Variants in JAKMIP2 observed in about 807,000 individuals in gnomAD.
JAKMIP2 encodes the protein janus kinase and microtubule interacting protein 2, also known as janus kinase and microtubule-interacting protein 2.
A neutral mutation model predicts 115.0 loss-of-function variants in JAKMIP2; 25 were observed. The ratio of observed to expected loss-of-function variants is 0.22; its 90% CI spans 0.16 to 0.30. The LOEUF is 0.30. Among genes scored for constraint, JAKMIP2 ranks in the 10% least tolerant of loss-of-function variants. The pLI, the probability that JAKMIP2 is intolerant of heterozygous loss-of-function variation, is 1.00. For synonymous variants in JAKMIP2, 334 were observed against 343.6 expected (o/e 0.97, Z 0.31); for missense variants, 642 against 957.6 (o/e 0.67, Z 4.35).
At chr5:147,732,841 C>G (rs529261433) in intron 1 of JAKMIP2, among the ~76,000 whole-genome samples, 2 of 152,158 alleles carry the variant, frequency 1.3e-5, no homozygotes, top group African/African-American at 2.4e-5. Flanking sequence ...CTTAATTTCA[C>G]GCTGTGATGT....
chr5:147,761,484 C>CT (rs1359908626), intron 1 of JAKMIP2, among the ~76,000 whole-genome samples: 1 of 152,066 alleles, frequency 6.6e-6, no homozygotes, highest in African/African-American at 2.4e-5. Context: ...CCCAGGCACT[C>CT]TAATGGCAGA....
chr5:147,656,614 G>A (rs1480771508), intron 3 of JAKMIP2, among the ~76,000 whole-genome samples: 10 of 152,214 alleles, frequency 6.6e-5, no homozygotes, highest in South Asian at 6.2e-4. Flanking sequence ...AATACAGCAC[G>A]CTGATGGGTC....
chr5:147,709,048 T>A (rs1461174005), intron 1 of JAKMIP2, among the ~76,000 whole-genome samples: 8 of 152,224 alleles, frequency 5.3e-5, no homozygotes, highest in Admixed American at 4.6e-4. Flanking sequence ...TGTTTAAGCA[T>A]GATAGTTTAA....
At chr5:147,750,711 T>G (rs1754519345) in intron 1 of JAKMIP2, among the ~76,000 whole-genome samples, 1 of 152,132 alleles carries the variant, frequency 6.6e-6, no homozygotes, top group Non-Finnish European at 1.5e-5. Flanking sequence ...GTGGCTGTAT[T>G]TGGAGATAAG....
chr5:147,756,661 G>T (rs1216335082), intron 1 of JAKMIP2, among the ~76,000 whole-genome samples: 1 of 152,030 alleles, frequency 6.6e-6, no homozygotes, highest in Non-Finnish European at 1.5e-5. Context: ...AGGGTGGATG[G>T]GTAGCTGCAG....
At chr5:147,627,688 A>AC (rs1245805063) in intron 16 of JAKMIP2, among the ~76,000 whole-genome samples, 34 of 150,060 alleles carry the variant, frequency 2.3e-4, no homozygotes, top group Non-Finnish European at 4.5e-4. Flanking sequence ...TAAAAAAAAA[A>AC]AAAAAAAAAA....
At chr5:147,598,567 G>A (rs749430677) in intron 21 of JAKMIP2, among the ~76,000 whole-genome samples, 1 of 152,042 alleles carries the variant, frequency 6.6e-6, no homozygotes. Flanking sequence ...AGAATGCATA[G>A]CCAGATAATA....
At chr5:147,727,875 G>A in intron 1 of JAKMIP2, among the ~76,000 whole-genome samples, 1 of 151,584 alleles carries the variant, frequency 6.6e-6, no homozygotes. Flanking sequence ...TCTCCATTTT[G>A]TCTTCTTGCT....
At chr5:147,647,376 C>A (rs1346695534) in intron 5 of JAKMIP2, among the ~76,000 whole-genome samples, 1 of 151,838 alleles carries the variant, frequency 6.6e-6, no homozygotes, top group Non-Finnish European at 1.5e-5. Context: ...AAAGGAAAGG[C>A]TGAAAATAAC....
At chr5:147,707,664 T>C (rs1752631641) in intron 1 of JAKMIP2, among the ~76,000 whole-genome samples, 1 of 152,188 alleles carries the variant, frequency 6.6e-6, no homozygotes, top group Non-Finnish European at 1.5e-5. Context: ...AATTGATAGA[T>C]ATATTCATTT....
chr5:147,772,776 T>TA (rs1012051386), intron 1 of JAKMIP2, among the ~76,000 whole-genome samples: 21 of 152,082 alleles, frequency 1.4e-4, no homozygotes, highest in Admixed American at 7.9e-4. Flanking sequence ...CCATCTCAGT[T>TA]AAAAAAATCG....
At chr5:147,769,312 A>C (rs1449848927) in intron 1 of JAKMIP2, among the ~76,000 whole-genome samples, 1 of 152,130 alleles carries the variant, frequency 6.6e-6, no homozygotes, top group Admixed American at 6.6e-5. Flanking sequence ...ATTTCATCTA[A>C]ACTACGGAGA....
intron 1 of JAKMIP2, among the ~76,000 whole-genome samples, chr5:147,717,392 G>A (rs1273927883): frequency 2.1e-5 from 3 of 145,968 alleles, no homozygotes; most frequent in Non-Finnish European, 4.5e-5. Context: ...GAAAGGCATT[G>A]GTAGCTTGAT....
At chr5:147,604,802 TA>T (rs1223068465) in intron 20 of JAKMIP2, among the ~76,000 whole-genome samples, 191 of 3,276 alleles carry the variant, frequency 0.058, 1 homozygote, top group African/African-American at 0.061. Context: ...CCAGACATTT[TA>T]TTATTATTAT....
chr5:147,616,159 G>A (rs187399337), intron 19 of JAKMIP2, among the ~76,000 whole-genome samples: 10 of 152,140 alleles, frequency 6.6e-5, no homozygotes, highest in Admixed American at 3.3e-4. Flanking sequence ...CAAGCAGAAC[G>A]GTGTAATACA....
At chr5:147,624,946 G>C (rs1367824268) in intron 16 of JAKMIP2, among the ~76,000 whole-genome samples, 1 of 150,178 alleles carries the variant, frequency 6.7e-6, no homozygotes, top group Non-Finnish European at 1.5e-5. Context: ...TGTACTAGTG[G>C]TATCTCACTA....
intron 1 of JAKMIP2, among the ~76,000 whole-genome samples, chr5:147,703,433 T>C (rs1347957072): frequency 6.6e-6 from 1 of 152,126 alleles, no homozygotes; most frequent in African/African-American, 2.4e-5. Flanking sequence ...CTTGCTGGAC[T>C]GGAAGTTGTT....
intron 1 of JAKMIP2, among the ~76,000 whole-genome samples, chr5:147,691,893 T>C (rs1273990184): frequency 6.6e-6 from 1 of 151,838 alleles, no homozygotes; most frequent in Non-Finnish European, 1.5e-5. Context: ...TGTCTCTGTG[T>C]CCTTCTCTCA....
At chr5:147,611,319 C>T (rs1451602275) in intron 20 of JAKMIP2, among the ~76,000 whole-genome samples, 2 of 152,152 alleles carry the variant, frequency 1.3e-5, no homozygotes, top group African/African-American at 2.4e-5. Context: ...GTGGTGTAGG[C>T]ACCTGAGGGA....
Sources: gnomAD v4.1 joint callset for allele counts (sites outside exome capture counted in the v4.1 genomes callset) on GRCh38, gnomAD v4.1.1 for gene constraint, MANE v1.5 for transcripts, NCBI Gene and HGNC (gene_info 2026-07-23, HGNC 2026-07-21) for gene names.